SRBD1: variants seen among roughly 807,000 people sequenced by gnomAD.
SRBD1 encodes S1 RNA-binding domain-containing protein 1.
In SRBD1, 88 loss-of-function variants were observed where a neutral mutation model predicts 115.3. That is an observed-to-expected ratio of 0.76 (90% CI 0.64 to 0.91). The LOEUF (loss-of-function observed/expected upper bound fraction) is 0.91, where lower values mean the gene tolerates loss of function less well. Ranked by LOEUF, SRBD1 falls within the 40% of genes least tolerant of loss-of-function variation. The probability of loss-of-function intolerance (pLI) is 0.00; values close to 1 mark genes in which losing one functional copy is unlikely to be tolerated. For synonymous variants in SRBD1, 509 were observed against 407.7 expected (o/e 1.25, Z -2.99); for missense variants, 1,385 against 1,177.4 (o/e 1.18, Z -2.58).
At chr2:45,582,593 T>A (rs925044656) in intron 5 of SRBD1, among the ~76,000 whole-genome samples, 2 of 152,208 alleles carry the variant, frequency 1.3e-5, no homozygotes, top group East Asian at 3.8e-4. Context: ...AATGGTTTTT[T>A]ATTTTACTTA....
At chr2:45,512,171 C>G (rs191444507) in intron 14 of SRBD1, among the ~76,000 whole-genome samples, 1 of 152,302 alleles carries the variant, frequency 6.6e-6, no homozygotes, top group African/African-American at 2.4e-5. Context: ...GGTTAAAACA[C>G]TATTTCTCTA....
intron 14 of SRBD1, among the ~76,000 whole-genome samples, chr2:45,535,607 C>T (rs1671741149): frequency 6.6e-6 from 1 of 151,970 alleles, no homozygotes; most frequent in African/African-American, 2.4e-5. Context: ...CCACCCAGAA[C>T]TCCAGAAAAT....
intron 16 of SRBD1, among the ~76,000 whole-genome samples, chr2:45,472,348 G>A (rs80195132): frequency 0.011 from 1,718 of 152,278 alleles, 37 homozygotes; most frequent in African/African-American, 0.037. Flanking sequence ...TAATGAATGC[G>A]TTTCTTTTTG....
chr2:45,432,320 C>T (rs144901717), intron 16 of SRBD1, among the ~76,000 whole-genome samples: 6,714 of 152,134 alleles, frequency 0.044, 286 homozygotes, highest in East Asian at 0.13. Context: ...TGAGCCACTG[C>T]GCCTGGCCAA....
chr2:45,424,876 T>C (rs750831670), intron 16 of SRBD1, among the ~76,000 whole-genome samples: 4 of 152,256 alleles, frequency 2.6e-5, no homozygotes, highest in Middle Eastern at 3.4e-3. Context: ...TGCCCTTAAA[T>C]AGAGTGAGAG....
At chr2:45,567,667 A>G (rs1394748001) in intron 9 of SRBD1, among the ~76,000 whole-genome samples, 5 of 152,190 alleles carry the variant, frequency 3.3e-5, no homozygotes, top group African/African-American at 1.2e-4. Context: ...ACTGCACAGA[A>G]CTATCTATAA....
At chr2:45,407,595 G>C (rs888177744) in intron 19 of SRBD1, among the ~76,000 whole-genome samples, 1 of 152,054 alleles carries the variant, frequency 6.6e-6, no homozygotes, top group African/African-American at 2.4e-5. Context: ...TACATTCTAA[G>C]TGATGAATAA....
intron 10 of SRBD1, 22 bp from the exon 11 acceptor site, chr2:45,553,752 A>G (rs777542527): frequency 4.7e-6 from 7 of 1,482,622 alleles, no homozygotes; most frequent in Non-Finnish European, 6.4e-6. Context: ...AAAAGCCCAC[A>G]CTAAAACTGA....
intron 19 of SRBD1, 36 bp downstream of exon 19, chr2:45,413,078 G>C (rs371047545): frequency 3.7e-5 from 59 of 1,590,416 alleles, no homozygotes; most frequent in Non-Finnish European, 3.8e-5. Flanking sequence ...AACTCACTCT[G>C]CATATGGAGA....
chr2:45,536,762 G>A (rs1396963251), intron 14 of SRBD1, among the ~76,000 whole-genome samples: 1 of 152,058 alleles, frequency 6.6e-6, no homozygotes, highest in African/African-American at 2.4e-5. Context: ...TCCCTTCAGA[G>A]GATCTTTTGC....
intron 18 of SRBD1, among the ~76,000 whole-genome samples, chr2:45,414,650 A>C (rs1572611798): frequency 6.6e-6 from 1 of 150,948 alleles, no homozygotes; most frequent in East Asian, 1.9e-4. Context: ...TGTATATAGT[A>C]TGCACATACA....
chr2:45,417,634 G>A (rs1667871309), intron 18 of SRBD1, among the ~76,000 whole-genome samples: 1 of 152,170 alleles, frequency 6.6e-6, no homozygotes, highest in Non-Finnish European at 1.5e-5. Context: ...CTTCTTTCAT[G>A]ATTATATCAT....
chr2:45,413,231 T>C lies in SRBD1; in HGVS notation c.2396A>G (p.Glu799Gly). 1.2e-6 allele frequency: 2 copies of C among 1,614,122 alleles called. No individual in the cohort carries two copies. The highest frequency in any genetic ancestry group is 2.2e-5 in the South Asian group (2 of 91,090). Residue 799 changes from glutamate to glycine, a missense_variant, in exon 19 of 21, where the codon GAG becomes GGG. Transcript: ENST00000263736. ...TTTGCCCTGCTTCTCATTTGTGACC[T>C]CAACGTCTGCTGAAGATGTCACAGC... ...GVAVTSSADVEVTNEKQGKKK... is the reference protein window; with the variant it reads ...GVAVTSSADVGVTNEKQGKKK...
chr2:45,571,725 G>A (rs1252544114), intron 9 of SRBD1, among the ~76,000 whole-genome samples: 1 of 151,862 alleles, frequency 6.6e-6, no homozygotes, highest in East Asian at 1.9e-4. Flanking sequence ...AGAAATTACG[G>A]AGCTGAAAAG....
intron 11 of SRBD1, among the ~76,000 whole-genome samples, chr2:45,552,116 T>C (rs1186826486): frequency 1.3e-5 from 2 of 152,160 alleles, no homozygotes; most frequent in Non-Finnish European, 1.5e-5. Flanking sequence ...GACACATGGA[T>C]GAATGATCAT....
intron 14 of SRBD1, among the ~76,000 whole-genome samples, chr2:45,489,162 A>C (rs905991690): frequency 4.6e-5 from 7 of 152,228 alleles, no homozygotes; most frequent in African/African-American, 1.7e-4. Flanking sequence ...ATGACATGAC[A>C]GGCAAAGAAA....
chr2:45,570,021 T>C (rs1389898024), intron 9 of SRBD1, among the ~76,000 whole-genome samples: 1 of 152,240 alleles, frequency 6.6e-6, no homozygotes, highest in Non-Finnish European at 1.5e-5. Context: ...AAATCCAGCC[T>C]GCCACCTGTT....
At chr2:45,527,489 T>C (rs922520326) in intron 14 of SRBD1, among the ~76,000 whole-genome samples, 3 of 151,718 alleles carry the variant, frequency 2.0e-5, no homozygotes, top group African/African-American at 4.8e-5. Flanking sequence ...TAGGTAAGAT[T>C]TTGATAGGCA....
chr2:45,521,284 A>AAAACACAC (rs1381267005), intron 14 of SRBD1, among the ~76,000 whole-genome samples: 43 of 78,854 alleles, frequency 5.5e-4, no homozygotes, highest in African/African-American at 3.3e-3. Context: ...AACAAAAAGG[A>AAAACACAC]AAACACACAC....
Sources: allele counts gnomAD v4.1 joint callset (sites outside exome capture counted in the v4.1 genomes callset), GRCh38; gene constraint gnomAD v4.1.1; transcripts MANE v1.5; gene names NCBI Gene and HGNC (gene_info 2026-07-23, HGNC 2026-07-21).